OTUD7A: variants seen among roughly 807,000 people sequenced by gnomAD.
OTUD7A encodes the protein OTU deubiquitinase 7A.
OTUD7A carries 12 observed loss-of-function variants against 65.7 expected under a neutral mutation model. That is an observed-to-expected ratio of 0.18 (90% CI 0.12 to 0.30). The LOEUF (loss-of-function observed/expected upper bound fraction) is 0.30, where lower values mean the gene tolerates loss of function less well. Among genes scored for constraint, OTUD7A ranks in the 10% least tolerant of loss-of-function variants. The probability of loss-of-function intolerance (pLI) is 1.00; values close to 1 mark genes in which losing one functional copy is unlikely to be tolerated. For missense variants in OTUD7A, 1,148 were observed against 1,304.8 expected, an observed-to-expected ratio of 0.88 and a Z score of 1.85; for synonymous variants, 641 against 586.3, an observed-to-expected ratio of 1.09 and a Z score of -1.35.
chr15:31,841,531 C>T (rs111968719), intron 1 of OTUD7A, among the ~76,000 whole-genome samples: 2,067 of 152,222 alleles, frequency 0.014, 42 homozygotes, highest in African/African-American at 0.048. Flanking sequence ...GTATCAGGGA[C>T]AGCATGTGCT....
chr15:31,634,371 G>A (rs115291312), intron 3 of OTUD7A, among the ~76,000 whole-genome samples: 4,369 of 152,214 alleles, frequency 0.029, 237 homozygotes, highest in African/African-American at 0.098. Flanking sequence ...CCATGACCTC[G>A]CGTTGGGTGT....
intron 7 of OTUD7A, 127 bp from the exon 8 acceptor site, chr15:31,526,588 C>T (rs2042018061): frequency 6.1e-6 from 4 of 652,016 alleles, no homozygotes; most frequent in Non-Finnish European, 7.5e-6. Flanking sequence ...TAGCTACCAA[C>T]TATACCAACT....
intron 3 of OTUD7A, among the ~76,000 whole-genome samples, chr15:31,610,617 A>ATATATATATATAT: frequency 6.5e-5 from 2 of 30,556 alleles, no homozygotes; most frequent in Non-Finnish European, 9.8e-5. Context: ...ATATATATAT[A>ATATATATATATAT]TTTTTTTTTT....
At chr15:31,624,784 G>A (rs1890901416) in intron 3 of OTUD7A, among the ~76,000 whole-genome samples, 1 of 152,110 alleles carries the variant, frequency 6.6e-6, no homozygotes, top group African/African-American at 2.4e-5. Flanking sequence ...TGTTCTGACT[G>A]GCTTCAGCAA....
At chr15:31,553,117 G>C (rs191470156) in intron 5 of OTUD7A, among the ~76,000 whole-genome samples, 2 of 152,106 alleles carry the variant, frequency 1.3e-5, no homozygotes, top group African/African-American at 4.8e-5. Flanking sequence ...TCAGTTTCTA[G>C]TGCACACTGA....
intron 3 of OTUD7A, among the ~76,000 whole-genome samples, chr15:31,652,111 T>C (rs572666739): frequency 5.9e-5 from 9 of 151,872 alleles, no homozygotes; most frequent in East Asian, 1.9e-4. Flanking sequence ...GAAATCAATA[T>C]GGCACAATGT....
chr15:31,855,504 A>G (rs1385087690), intron 1 of OTUD7A, among the ~76,000 whole-genome samples: 1 of 152,122 alleles, frequency 6.6e-6, no homozygotes, highest in East Asian at 1.9e-4. Flanking sequence ...CAACCGAAAA[A>G]CAAATCGAAA....
intron 1 of OTUD7A, among the ~76,000 whole-genome samples, chr15:31,740,981 G>C (rs1000690554): frequency 6.6e-6 from 1 of 152,218 alleles, no homozygotes; most frequent in Non-Finnish European, 1.5e-5. Flanking sequence ...GGACACAGAT[G>C]TGAATGTACT....
intron 1 of OTUD7A, among the ~76,000 whole-genome samples, chr15:31,860,806 C>T (rs989716096): frequency 2.0e-5 from 3 of 147,988 alleles, no homozygotes; most frequent in Non-Finnish European, 4.5e-5. Flanking sequence ...CCTGGGTTCA[C>T]GCCATTCTCT....
intron 4 of OTUD7A, among the ~76,000 whole-genome samples, chr15:31,559,429 GCACA>G (rs955088204): frequency 6.6e-6 from 1 of 152,068 alleles, no homozygotes; most frequent in South Asian, 2.1e-4. Flanking sequence ...ATATACATGT[GCACA>G]CACACTTATA....
At chr15:31,615,379 G>GA (rs778172788) in intron 3 of OTUD7A, among the ~76,000 whole-genome samples, 1 of 152,078 alleles carries the variant, frequency 6.6e-6, no homozygotes, top group African/African-American at 2.4e-5. Context: ...AGTAATGACA[G>GA]AAAAAAGTTT....
rs1203022786 is a variant in OTUD7A, at chr15:31,477,466, T to C, written c.*5828A>G. The C allele has an allele frequency of 6.6e-6, 1 of 152,152 alleles. No homozygotes were observed. The highest frequency in any genetic ancestry group is 1.5e-5 in the Non-Finnish European group (1 of 68,052). 9.4% of individuals were successfully genotyped at this position (152,152 alleles called of 1,614,324 possible). A position where few individuals can be genotyped will look rare whatever the true frequency, so the allele number is the denominator to read the frequency against. The stretch of plus-strand genomic sequence containing the variant: ...AACAGTGAGCCTCATATTTGTGAGG[T>C]GGGGCTAGCGGCAGGGCAGGCATTC... On this transcript the variant is annotated 3_prime_UTR_variant, in exon 13 of 13. Transcript: ENST00000307050.
At chr15:31,557,788 G>GTACT (rs1566918946) in intron 5 of OTUD7A, 1 of 152,062 alleles carries the variant, frequency 6.6e-6, no homozygotes, top group Admixed American at 6.5e-5. Flanking sequence ...CAACCTACAG[G>GTACT]TACTTCTCTC....
chr15:31,777,178 G>A (rs958399157), intron 1 of OTUD7A, among the ~76,000 whole-genome samples: 5 of 152,060 alleles, frequency 3.3e-5, no homozygotes, highest in Admixed American at 1.3e-4. Flanking sequence ...GTTCATACAC[G>A]GTGACTTCTC....
chr15:31,672,978 T>C (rs1166750759), intron 1 of OTUD7A, among the ~76,000 whole-genome samples: 4 of 152,324 alleles, frequency 2.6e-5, no homozygotes, highest in South Asian at 2.1e-4. Flanking sequence ...AGCAAGTGTA[T>C]AGCTGTCATT....
chr15:31,630,832 C>T (rs2141249098), intron 3 of OTUD7A, among the ~76,000 whole-genome samples: 1 of 152,380 alleles, frequency 6.6e-6, no homozygotes, highest in East Asian at 1.9e-4. Context: ...ATCCCTTTAC[C>T]ATTATGTAAT....
rs536621649 is a variant in OTUD7A, at chr15:31,800,196, A to G, written c.-100+70311T>C. Among the ~76,000 whole-genome samples the G allele has an allele frequency of 4.6e-5, 7 of 152,228 alleles. No homozygotes were observed. The East Asian group carries it at 5.8e-4, about 13-fold the overall frequency. On this transcript the variant is annotated intron_variant, in intron 1 of 12. Coordinates refer to ENST00000307050, the MANE Select transcript of OTUD7A (RefSeq NM_001382637.1). The stretch of plus-strand genomic sequence containing the variant: ...GGAATATGAACACAGAAGTCCTCCC[A>G]TGAACGTCAGCTCACCAAGTAGGAG...
chr15:31,579,877 G>C (rs551571046), intron 3 of OTUD7A, among the ~76,000 whole-genome samples: 1 of 152,324 alleles, frequency 6.6e-6, no homozygotes, highest in East Asian at 1.9e-4. Context: ...ACAATCCACT[G>C]TTTTGTGTTT....
chr15:31,613,526 G>A (rs1890492866), intron 3 of OTUD7A, among the ~76,000 whole-genome samples: 1 of 151,994 alleles, frequency 6.6e-6, no homozygotes, highest in African/African-American at 2.4e-5. Flanking sequence ...ATATACAAAT[G>A]GCCAACAAAC....
Sources: gnomAD v4.1 joint callset for allele counts (sites outside exome capture counted in the v4.1 genomes callset) on GRCh38, gnomAD v4.1.1 for gene constraint, MANE v1.5 for transcripts, NCBI Gene and HGNC (gene_info 2026-07-23, HGNC 2026-07-21) for gene names.